Variants in LPIN2 observed in about 807,000 individuals in gnomAD.
The protein encoded by LPIN2 is phosphatidate phosphatase LPIN2.
Under a neutral mutation model 111.4 loss-of-function variants are expected in LPIN2, and 55 were observed. The ratio of observed to expected loss-of-function variants is 0.49; its 90% confidence interval spans 0.40 to 0.62. LPIN2 has a LOEUF of 0.62. Ranked by LOEUF, LPIN2 falls within the 20% of genes least tolerant of loss-of-function variation. The probability of loss-of-function intolerance (pLI) is 0.00; values close to 1 mark genes in which losing one functional copy is unlikely to be tolerated. For missense variants in LPIN2, 992 were observed against 1,112.1 expected, an observed-to-expected ratio of 0.89 and a Z score of 1.54; for synonymous variants, 425 against 414.0, an observed-to-expected ratio of 1.03 and a Z score of -0.32.
rs1445006074 is a variant in LPIN2 at position 2,997,402 on chromosome 18, C to T, written c.-10+15685G>A. On this transcript the variant is annotated intron_variant, in intron 1 of 19. Coordinates refer to ENST00000677752, the MANE Select transcript of LPIN2 (RefSeq NM_001375808.2). ...TCAGCCTCCCAAAGTGCTGGGATTA[C>T]AAGCATGAGCCACTGCACCTGGCAG... 6.2e-5 allele frequency among the ~76,000 whole-genome samples: 3 copies of T among 48,460 alleles called. No individual in the cohort carries two copies. The East Asian group carries it at 1.4e-3, about 23-fold the overall frequency. 31.8% of individuals were successfully genotyped at this position (48,460 alleles called of 152,430 possible).
At chr18:3,001,107 G>A (rs1258196548) in intron 1 of LPIN2, among the ~76,000 whole-genome samples, 5 of 152,132 alleles carry the variant, frequency 3.3e-5, no homozygotes, top group African/African-American at 4.8e-5. Flanking sequence ...TATCAGTTGG[G>A]TAGGAGGCTC....
At chr18:3,004,338 C>T (rs547478889) in intron 1 of LPIN2, among the ~76,000 whole-genome samples, 12 of 152,258 alleles carry the variant, frequency 7.9e-5, no homozygotes, top group Admixed American at 1.3e-4. Flanking sequence ...GTCATCATTA[C>T]GGTCCTACCA....
intron 1 of LPIN2, among the ~76,000 whole-genome samples, chr18:2,961,475 A>T (rs1335903179): frequency 6.6e-6 from 1 of 152,196 alleles, no homozygotes; most frequent in African/African-American, 2.4e-5. Context: ...CAATATAACT[A>T]ACTGGAACAT....
At chr18:2,929,259 C>T in intron 9 of LPIN2, 101 bp from the exon 10 acceptor site, 1 of 839,376 alleles carries the variant, frequency 1.2e-6, no homozygotes, top group Non-Finnish European at 2.0e-6. Context: ...CTAAAATCAT[C>T]TGTCTAAAAA....
At chr18:3,006,409 C>CA (rs1455615291) in intron 1 of LPIN2, among the ~76,000 whole-genome samples, 1 of 152,164 alleles carries the variant, frequency 6.6e-6, no homozygotes, top group Admixed American at 6.5e-5. Flanking sequence ...TCCTTTCTTA[C>CA]AAAGCATTTG....
At chr18:3,003,332 C>T (rs1225065652) in intron 1 of LPIN2, among the ~76,000 whole-genome samples, 2 of 152,160 alleles carry the variant, frequency 1.3e-5, no homozygotes, top group African/African-American at 4.8e-5. Context: ...AGCACTAGTT[C>T]AAAAGACAGA....
chr18:2,991,012 C>A, intron 1 of LPIN2: 1 of 568,938 alleles, frequency 1.8e-6, no homozygotes, highest in Admixed American at 1.9e-5. Flanking sequence ...GCCTGGGCCC[C>A]CAATGATGAG....
chr18:2,950,825 T>C (rs913836912), intron 4 of LPIN2: 3 of 568,260 alleles, frequency 5.3e-6, no homozygotes, highest in Non-Finnish European at 9.4e-6. Flanking sequence ...GAAACTTCTT[T>C]ATGAAAAGAA....
intron 1 of LPIN2, among the ~76,000 whole-genome samples, chr18:2,987,694 T>G: frequency 6.6e-6 from 1 of 152,186 alleles, no homozygotes; most frequent in South Asian, 2.1e-4. Flanking sequence ...TAAAAGATAT[T>G]TGTAATCAGC....
chr18:2,919,757 C>A lies in LPIN2; in HGVS notation c.*536G>T. On this transcript the variant is annotated 3_prime_UTR_variant, in exon 20 of 20. Transcript: ENST00000677752. ...GGGGCGGGGGTCCTGCCCAACTTGG[C>A]CCACTGGAGCAGCTGACCCCTTCAG... 5.6e-6 allele frequency: 1 copy of A among 179,870 alleles called. No individual in the cohort carries two copies. Among genetic ancestry groups the A allele is most frequent in the Non-Finnish European group, 1.2e-5 (1 of 83,812 alleles). 11.1% of individuals were successfully genotyped at this position (179,870 alleles called of 1,614,324 possible). A position where few individuals can be genotyped will look rare whatever the true frequency, so the allele number is the denominator to read the frequency against.
intron 1 of LPIN2, among the ~76,000 whole-genome samples, chr18:3,004,190 A>G (rs527828826): frequency 1.5e-4 from 23 of 152,290 alleles, no homozygotes; most frequent in African/African-American, 5.3e-4. Flanking sequence ...ATAGACCCTC[A>G]TCAGTAATTC....
chr18:2,996,539 G>A (rs1337106272), intron 1 of LPIN2, among the ~76,000 whole-genome samples: 7 of 126,754 alleles, frequency 5.5e-5, no homozygotes, highest in East Asian at 2.5e-4. Context: ...GTGCAGTGGC[G>A]CCATCTCAGC....
At chr18:2,983,572 G>T (rs1364580155) in intron 1 of LPIN2, among the ~76,000 whole-genome samples, 1 of 152,078 alleles carries the variant, frequency 6.6e-6, no homozygotes, top group Non-Finnish European at 1.5e-5. Flanking sequence ...CTAGGATTGT[G>T]CTGTTCATCA....
At chr18:2,958,562 G>A (rs1440889086) in intron 2 of LPIN2, among the ~76,000 whole-genome samples, 1 of 152,120 alleles carries the variant, frequency 6.6e-6, no homozygotes, top group Non-Finnish European at 1.5e-5. Context: ...TACTCTCACA[G>A]TTTTTCAGTT....
intron 1 of LPIN2, among the ~76,000 whole-genome samples, chr18:2,996,634 C>T (rs1315369148): frequency 2.0e-5 from 3 of 151,528 alleles, no homozygotes; most frequent in African/African-American, 4.8e-5. Context: ...CCCACCATCA[C>T]GCCTGGCTAA....
chr18:2,993,521 T>C (rs969910174), intron 1 of LPIN2, among the ~76,000 whole-genome samples: 13 of 152,356 alleles, frequency 8.5e-5, no homozygotes, highest in South Asian at 6.2e-4. Flanking sequence ...TTTCTGAGCA[T>C]TCAACTCTAC....
chr18:2,989,111 GAC>G lies in LPIN2; in HGVS notation c.-10+23974_-10+23975del, dbSNP rs761928396. Among the ~76,000 whole-genome samples, 165 of 152,230 alleles carry G rather than the reference GAC, an allele frequency of 1.1e-3. 1 individual carries two copies. Among genetic ancestry groups the G allele is most frequent in the Middle Eastern group, 3.4e-3 (1 of 294 alleles). ...TCTGATCTACACAATTCTCATGAAAGACAGATTTGCTTTATCCCTATATTTTA... is the reference window on the plus strand; with the variant it reads ...TCTGATCTACACAATTCTCATGAAAGAGATTTGCTTTATCCCTATATTTTA... On this transcript the variant is annotated intron_variant, in intron 1 of 19. Coordinates refer to ENST00000677752, the MANE Select transcript of LPIN2 (RefSeq NM_001375808.2).
rs552619303 is a variant in LPIN2 at position 2,987,330 on chromosome 18, C to T, written c.-10+25757G>A. Among the ~76,000 whole-genome samples, 7 of 152,284 alleles carry T rather than the reference C, an allele frequency of 4.6e-5. No individual in the cohort carries two copies. The South Asian group carries it at 1.4e-3, about 32-fold the overall frequency. On this transcript the variant is annotated intron_variant, in intron 1 of 19. Coordinates refer to ENST00000677752, the MANE Select transcript of LPIN2 (RefSeq NM_001375808.2). The stretch of plus-strand genomic sequence containing the variant: ...AAGAAGCCAGTGCTGGGTTCCTATA[C>T]TCCAGATCAAAAAGTGAGATAGCTT...
chr18:2,922,541 T>C (rs2077070642), intron 16 of LPIN2, among the ~76,000 whole-genome samples: 1 of 152,182 alleles, frequency 6.6e-6, no homozygotes, highest in Non-Finnish European at 1.5e-5. Flanking sequence ...CCTCCCAAAG[T>C]GCTGGGATTA....
Sources: allele counts gnomAD v4.1 joint callset (sites outside exome capture counted in the v4.1 genomes callset), GRCh38; gene constraint gnomAD v4.1.1; transcripts MANE v1.5; gene names NCBI Gene and HGNC (gene_info 2026-07-23, HGNC 2026-07-21).